The following PPM1H variants were observed in gnomAD, a reference collection of about 807,000 sequenced individuals.
PPM1H encodes protein phosphatase 1H.
Under a neutral mutation model 54.9 loss-of-function variants are expected in PPM1H, and 27 were observed. The ratio of observed to expected loss-of-function variants is 0.49; its 90% CI spans 0.36 to 0.68. The LOEUF (loss-of-function observed/expected upper bound fraction) is 0.68, where lower values mean the gene tolerates loss of function less well. PPM1H is among the 30% of genes least tolerant of loss of function. The pLI, the probability that PPM1H is intolerant of heterozygous loss-of-function variation, is 0.00. For missense variants in PPM1H, 596 were observed against 667.8 expected (o/e 0.89, Z 1.19); for synonymous variants, 305 against 270.8 (o/e 1.13, Z -1.24).
In PPM1H at chr12:62,648,245, C is replaced by T; in HGVS notation, c.*244G>A. On this transcript the variant is annotated 3_prime_UTR_variant, in exon 10 of 10. Transcript: ENST00000228705. The stretch of plus-strand genomic sequence containing the variant: ...CCACCTCGGAGGCCTATGAAAGGAA[C>T]TGAAATACAACAACACTTGGTAGCA... The T allele has an allele frequency of 2.2e-6, 1 of 460,068 alleles. No homozygotes were observed. The highest frequency in any genetic ancestry group is 3.9e-6 in the Non-Finnish European group (1 of 254,388). The allele number at this position is 460,068 out of a possible 1,614,324, so 28.5% of individuals were successfully genotyped here. A position where few individuals can be genotyped will look rare whatever the true frequency, so the allele number is the denominator to read the frequency against.
At chr12:62,672,819 G>A (rs2075963899) in intron 8 of PPM1H, among the ~76,000 whole-genome samples, 2 of 152,114 alleles carry the variant, frequency 1.3e-5, no homozygotes, top group South Asian at 4.2e-4. Flanking sequence ...ACTTCTGAAG[G>A]CCCAGAAATC....
chr12:62,761,545 T>C lies in PPM1H; in HGVS notation c.870-23959A>G, dbSNP rs2076509202. On this transcript the variant is annotated intron_variant, in intron 4 of 9. Transcript: ENST00000228705. Reference sequence around the variant, plus strand: ...TTGAATTTTCCTGCTAAAATTGGTCTATGTTTTGTACTAAGGTAGAGATCT... The same window carrying C: ...TTGAATTTTCCTGCTAAAATTGGTCCATGTTTTGTACTAAGGTAGAGATCT... Among the ~76,000 whole-genome samples the C allele has an allele frequency of 3.9e-5, 6 of 152,194 alleles. No individual in the cohort carries two copies. The South Asian group carries it at 1.2e-3, about 32-fold the overall frequency.
intron 8 of PPM1H, among the ~76,000 whole-genome samples, chr12:62,674,918 T>A (rs748342109): frequency 2.6e-5 from 4 of 152,080 alleles, no homozygotes; most frequent in Non-Finnish European, 5.9e-5. Context: ...TCTCTGTTTG[T>A]GAAATGAGAG....
intron 2 of PPM1H, among the ~76,000 whole-genome samples, chr12:62,815,125 C>T (rs1268293750): frequency 6.6e-6 from 1 of 152,048 alleles, no homozygotes; most frequent in Non-Finnish European, 1.5e-5. Flanking sequence ...CTAGGGCTCA[C>T]GTTCTATTGC....
chr12:62,653,832 G>A (rs1354587285), intron 9 of PPM1H, among the ~76,000 whole-genome samples: 1 of 152,120 alleles, frequency 6.6e-6, no homozygotes. Context: ...GATCAGGGCA[G>A]GGGAGGGCCC....
chr12:62,854,455 A>G (rs1032847154), intron 1 of PPM1H, among the ~76,000 whole-genome samples: 1 of 150,360 alleles, frequency 6.7e-6, no homozygotes, highest in Non-Finnish European at 1.5e-5. Context: ...ACTTCTAATT[A>G]TTTGGGGTAG....
At chr12:62,689,570 G>A (rs1485650107) in intron 8 of PPM1H, 129 bp downstream of exon 8, 19 of 649,680 alleles carry the variant, frequency 2.9e-5, no homozygotes, top group East Asian at 2.5e-4. Context: ...AGACACAGAC[G>A]TGAGAGATAC....
intron 2 of PPM1H, among the ~76,000 whole-genome samples, chr12:62,814,736 G>C (rs2076855553): frequency 6.6e-6 from 1 of 152,142 alleles, no homozygotes; most frequent in Non-Finnish European, 1.5e-5. Flanking sequence ...ATCCCACTTT[G>C]AGTGACATCT....
At chr12:62,773,666 G>A (rs1005147554) in intron 4 of PPM1H, among the ~76,000 whole-genome samples, 2 of 152,060 alleles carry the variant, frequency 1.3e-5, no homozygotes, top group African/African-American at 4.8e-5. Context: ...AGTGAGAGAG[G>A]CAACCTTAAC....
intron 8 of PPM1H, among the ~76,000 whole-genome samples, chr12:62,668,716 G>A (rs922083854): frequency 1.3e-5 from 2 of 152,226 alleles, no homozygotes; most frequent in African/African-American, 4.8e-5. Flanking sequence ...GAGTGAAAGC[G>A]ATGGGTCAGG....
chr12:62,801,705 G>T (rs2076770789), intron 3 of PPM1H, 111 bp downstream of exon 3: 1 of 1,191,772 alleles, frequency 8.4e-7, no homozygotes, highest in Non-Finnish European at 1.2e-6. Context: ...CCGTCCAGGT[G>T]GAGCCAGGCA....
At chr12:62,866,491 T>C (rs1869780803) in intron 1 of PPM1H, among the ~76,000 whole-genome samples, 1 of 152,154 alleles carries the variant, frequency 6.6e-6, no homozygotes, top group South Asian at 2.1e-4. Flanking sequence ...GGCTTCCTCT[T>C]TGCTCTTTTG....
At chr12:62,706,482 A>G (rs1462111410) in intron 6 of PPM1H, among the ~76,000 whole-genome samples, 1 of 152,246 alleles carries the variant, frequency 6.6e-6, no homozygotes, top group African/African-American at 2.4e-5. Context: ...CCTCACGCCC[A>G]GCAGTTAACG....
At chr12:62,839,729 ATGT>A (rs1868653641) in intron 1 of PPM1H, among the ~76,000 whole-genome samples, 1 of 151,870 alleles carries the variant, frequency 6.6e-6, no homozygotes, top group African/African-American at 2.4e-5. Flanking sequence ...ATAGTCATTT[ATGT>A]TAGTTTTAGT....
At chr12:62,931,417 A>G (rs1193918995) in intron 1 of PPM1H, among the ~76,000 whole-genome samples, 3 of 152,198 alleles carry the variant, frequency 2.0e-5, no homozygotes, top group Admixed American at 2.0e-4. Context: ...CACAGTCCCT[A>G]CTTGTCTTTC....
chr12:62,874,926 G>C (rs1483370890), intron 1 of PPM1H, among the ~76,000 whole-genome samples: 1 of 152,170 alleles, frequency 6.6e-6, no homozygotes, highest in Non-Finnish European at 1.5e-5. Flanking sequence ...TGAGAACCAA[G>C]GAGTGGAAGG....
intron 8 of PPM1H, among the ~76,000 whole-genome samples, chr12:62,673,522 A>C (rs2075967865): frequency 6.6e-6 from 1 of 152,178 alleles, no homozygotes. Context: ...GGATGCCCTC[A>C]CAGCTTTTGT....
At position 62,693,998 on chromosome 12, in the gene PPM1H, C is replaced by T; in HGVS notation, c.1075G>A (p.Ala359Thr). 3 of 1,611,792 alleles carry T rather than the reference C, an allele frequency of 1.9e-6. No individual in the cohort carries two copies. Among genetic ancestry groups the T allele is most frequent in the Non-Finnish European group, 2.5e-6 (3 of 1,179,012 alleles). The change falls in exon 7 of 10, where the codon GCA (alanine) becomes ACA (threonine). Residue 359 changes from alanine to threonine, a missense_variant and splice_region_variant. Ala to Thr is a moderately conservative substitution (Grantham distance 58). Around this residue, in one of 3 missense-constraint regions of PPM1H, gnomAD observed 208 missense variants for 259.5 expected, o/e 0.80. Coordinates refer to ENST00000228705, the MANE Select transcript of PPM1H (RefSeq NM_020700.2). ...TCCTCATCCTCAATGGTTTTGTATG[C>T]CCTGTAGGGGATAAACAACATTTTA... is the stretch of plus-strand genomic sequence containing the variant. ...LYRDFNMTGW[A>T]YKTIEDEDLK...
intron 4 of PPM1H, chr12:62,755,664 T>C: frequency 1.5e-6 from 1 of 658,388 alleles, no homozygotes; most frequent in Non-Finnish European, 2.7e-6. Context: ...CTCAAGATCA[T>C]CAGCATGCCT....
Sources: allele counts gnomAD v4.1 joint callset (sites outside exome capture counted in the v4.1 genomes callset), GRCh38; gene constraint gnomAD v4.1.1; regional missense constraint gnomAD v4.1.1; transcripts MANE v1.5; gene names NCBI Gene and HGNC (gene_info 2026-07-23, HGNC 2026-07-21).